SH3GLB1: variants seen among roughly 807,000 people sequenced by gnomAD.
SH3GLB1 encodes the protein SH3 domain containing GRB2 like, endophilin B1, also known as endophilin-B1.
A neutral mutation model predicts 42.0 loss-of-function variants in SH3GLB1; 17 were observed. The observed-to-expected ratio is 0.40, with a 90% CI of 0.28 to 0.61. The LOEUF (loss-of-function observed/expected upper bound fraction) is 0.61. SH3GLB1 is among the 20% of genes least tolerant of loss of function. The pLI is 0.36. For missense variants in SH3GLB1, 355 were observed against 426.3 expected, an observed-to-expected ratio of 0.83 and a Z score of 1.47; for synonymous variants, 132 against 146.6, an observed-to-expected ratio of 0.90 and a Z score of 0.72.
At chr1:86,720,481 G>A (rs982263454) in intron 3 of SH3GLB1, among the ~76,000 whole-genome samples, 9 of 151,988 alleles carry the variant, frequency 5.9e-5, no homozygotes, top group African/African-American at 1.4e-4. Flanking sequence ...AGTTACACTC[G>A]CTTTATTAGT....
Position 86,742,324 on chromosome 1 carries a change from C to A in SH3GLB1, c.878C>A (p.Thr293Asn). ...GCTTCAACAAGTGGCCTAGTAATCA[C>A]CTCTCCTTCCAACCTCAGTGACCTT... The part of the protein sequence containing the change: ...AMASTSGLVI[T>N]SPSNLSDLKE... Residue 293 changes from threonine to asparagine, a missense_variant, in exon 8 of 9, where the codon ACC becomes AAC. Coordinates refer to ENST00000370558, the MANE Select transcript of SH3GLB1 (RefSeq NM_016009.5). 7.4e-6 allele frequency: 12 copies of A among 1,614,128 alleles called. No individual in the cohort carries two copies. Among genetic ancestry groups the A allele is most frequent in the Non-Finnish European group, 7.6e-6 (9 of 1,179,996 alleles).
At chr1:86,731,011 G>A (rs1189967057) in intron 5 of SH3GLB1, among the ~76,000 whole-genome samples, 1 of 152,170 alleles carries the variant, frequency 6.6e-6, no homozygotes, top group African/African-American at 2.4e-5. Flanking sequence ...TTTCGACTAT[G>A]TTGTCTCTTC....
intron 3 of SH3GLB1, among the ~76,000 whole-genome samples, chr1:86,720,495 T>C (rs1324269712): frequency 6.6e-6 from 1 of 152,256 alleles, no homozygotes; most frequent in East Asian, 1.9e-4. Context: ...TATTAGTTGC[T>C]GTACAGACTT....
intron 7 of SH3GLB1, 34 bp downstream of exon 7, chr1:86,735,213 A>G: frequency 6.8e-7 from 1 of 1,460,288 alleles, no homozygotes; most frequent in East Asian, 2.3e-5. Context: ...AAAGAGGAGA[A>G]ATTCAGATTT....
intron 4 of SH3GLB1, among the ~76,000 whole-genome samples, chr1:86,723,076 TATAA>T (rs1654957947): frequency 1.3e-5 from 2 of 152,238 alleles, no homozygotes; most frequent in Non-Finnish European, 2.9e-5. Flanking sequence ...AAGCTGCTCT[TATAA>T]ATACTTCAAA....
In SH3GLB1 at chr1:86,716,692, T is replaced by C. The variant is rs149604923; in HGVS notation, c.214+827T>C. Among the ~76,000 whole-genome samples the C allele has an allele frequency of 3.3e-5, 5 of 152,346 alleles. No individual in the cohort carries two copies. In the East Asian group the frequency reaches 9.6e-4, roughly 29 times the overall value. ...ATCTTGCAGTTAAGGTGCATAATTG[T>C]TTAGTGAATGAAACTCATGAGTTAG... is the stretch of plus-strand genomic sequence containing the variant. On this transcript the variant is annotated intron_variant, in intron 2 of 8. Coordinates refer to ENST00000370558, the MANE Select transcript of SH3GLB1 (RefSeq NM_016009.5).
intron 5 of SH3GLB1, among the ~76,000 whole-genome samples, chr1:86,726,443 A>G (rs935994077): frequency 1.3e-5 from 2 of 152,100 alleles, no homozygotes; most frequent in African/African-American, 4.8e-5. Flanking sequence ...AGATATCTAG[A>G]AAAGATCTTG....
chr1:86,737,267 A>G (rs934671622), intron 7 of SH3GLB1, among the ~76,000 whole-genome samples: 2 of 152,228 alleles, frequency 1.3e-5, no homozygotes, highest in South Asian at 2.1e-4. Context: ...TTAACGTATC[A>G]ATAAAAGTTC....
chr1:86,722,773 A>G (rs1654939457), intron 4 of SH3GLB1, 100 bp downstream of exon 4: 3 of 950,034 alleles, frequency 3.2e-6, no homozygotes, highest in South Asian at 2.2e-5. Context: ...GATGTAGTGG[A>G]TTACAAAATT....
chr1:86,716,303 C>G (rs1654529473), intron 2 of SH3GLB1, among the ~76,000 whole-genome samples: 1 of 152,044 alleles, frequency 6.6e-6, no homozygotes, highest in Admixed American at 6.5e-5. Flanking sequence ...GAGACAGAGT[C>G]TCGCCCTGTC....
chr1:86,730,493 C>T (rs141864972), intron 5 of SH3GLB1: 45 of 628,234 alleles, frequency 7.2e-5, no homozygotes, highest in Middle Eastern at 1.7e-3. Flanking sequence ...TATAATATTT[C>T]GCACAAATGA....
chr1:86,716,331 A>G (rs57549721), intron 2 of SH3GLB1, among the ~76,000 whole-genome samples: 3,142 of 151,922 alleles, frequency 0.021, 50 homozygotes, highest in African/African-American at 0.043. Context: ...CTGGAGTGCA[A>G]TGGTGTGATC....
At chr1:86,719,293 C>T (rs1654724639) in intron 2 of SH3GLB1, among the ~76,000 whole-genome samples, 1 of 151,814 alleles carries the variant, frequency 6.6e-6, no homozygotes, top group Non-Finnish European at 1.5e-5. Flanking sequence ...TTTTAAAATG[C>T]TTTTGTGCCA....
intron 7 of SH3GLB1, among the ~76,000 whole-genome samples, chr1:86,739,056 A>G (rs1344186218): frequency 6.6e-6 from 1 of 152,254 alleles, no homozygotes; most frequent in Non-Finnish European, 1.5e-5. Context: ...TATGTCAGTT[A>G]TATTAGAAGC....
At chr1:86,716,286 G>T (rs560720300) in intron 2 of SH3GLB1, among the ~76,000 whole-genome samples, 41 of 151,618 alleles carry the variant, frequency 2.7e-4, no homozygotes, top group African/African-American at 9.7e-4. Context: ...TTGTTTGTTT[G>T]TTTTTTGAGA....
intron 1 of SH3GLB1, among the ~76,000 whole-genome samples, chr1:86,712,389 A>T (rs745367523): frequency 5.3e-5 from 8 of 152,314 alleles, no homozygotes; most frequent in Middle Eastern, 3.4e-3. Context: ...GCAAGTATTT[A>T]CTGGAAGGGT....
Position 86,724,893 on chromosome 1 carries a change from AT to A in SH3GLB1, c.570+489del, listed in dbSNP as rs1177275521. Among the ~76,000 whole-genome samples, 279 of 102,526 alleles carry A rather than the reference AT, an allele frequency of 2.7e-3. 4 individuals carry two copies. Among genetic ancestry groups the A allele is most frequent in the East Asian group, 0.013 (33 of 2,622 alleles). The allele number at this position is 102,526 out of a possible 152,430, so 67.3% of individuals were successfully genotyped here. On this transcript the variant is annotated intron_variant, in intron 5 of 8. Coordinates refer to ENST00000370558, the MANE Select transcript of SH3GLB1 (RefSeq NM_016009.5). ...TGTCTTTAAAAAAAAAAAAAAAAAA[AT>A]ATATATATATATATATATAAAATAT...
At chr1:86,706,742 C>A (rs946352028) in intron 1 of SH3GLB1, among the ~76,000 whole-genome samples, 1 of 152,162 alleles carries the variant, frequency 6.6e-6, no homozygotes, top group Non-Finnish European at 1.5e-5. Flanking sequence ...CTTTTAAATA[C>A]AGTTAAATAT....
chr1:86,716,696 G>A (rs919905843), intron 2 of SH3GLB1, among the ~76,000 whole-genome samples: 2 of 152,312 alleles, frequency 1.3e-5, no homozygotes, highest in East Asian at 3.9e-4. Flanking sequence ...TAATTGTTTA[G>A]TGAATGAAAC....
Sources: gnomAD v4.1 joint callset for allele counts (sites outside exome capture counted in the v4.1 genomes callset) on GRCh38, gnomAD v4.1.1 for gene constraint, MANE v1.5 for transcripts, NCBI Gene and HGNC (gene_info 2026-07-23, HGNC 2026-07-21) for gene names.